The following GRM8 variants were observed in gnomAD, a reference collection of about 807,000 sequenced individuals.
The protein encoded by GRM8 is metabotropic glutamate receptor 8.
Under a neutral mutation model 87.2 loss-of-function variants are expected in GRM8, and 47 were observed. That is an observed-to-expected ratio of 0.54 (90% confidence interval 0.43 to 0.69). The LOEUF is 0.69. GRM8 is among the 30% of genes least tolerant of loss of function. The probability of loss-of-function intolerance (pLI) is 0.00; values close to 1 mark genes in which losing one functional copy is unlikely to be tolerated. For missense variants in GRM8, 1,019 were observed against 1,139.2 expected, an observed-to-expected ratio of 0.89 and a Z score of 1.52; for synonymous variants, 396 against 404.5, an observed-to-expected ratio of 0.98 and a Z score of 0.25.
At chr7:126,464,734 G>A (rs1159718761) in intron 9 of GRM8, among the ~76,000 whole-genome samples, 1 of 151,500 alleles carries the variant, frequency 6.6e-6, no homozygotes, top group Admixed American at 6.6e-5. Flanking sequence ...ACAATGTAAT[G>A]CTTATTACAT....
chr7:126,445,042 G>T (rs1186932080), intron 10 of GRM8, among the ~76,000 whole-genome samples: 1 of 151,934 alleles, frequency 6.6e-6, no homozygotes, highest in Non-Finnish European at 1.5e-5. Flanking sequence ...GCACATGCCT[G>T]CAGTCCTAGC....
rs181959066 is a variant in GRM8, at chr7:127,104,381, G to T, written c.727+2115C>A. Among the ~76,000 whole-genome samples, 325 of 152,242 alleles carry T rather than the reference G, an allele frequency of 2.1e-3. 1 individual carries two copies. Among genetic ancestry groups the T allele is most frequent in the African/African-American group, 7.5e-3 (311 of 41,538 alleles). Reference sequence around the variant, plus strand: ...TCATTAGAGACATCAGATAATTTCAGAATGGGTTAAGTTGCTACCATTTGC... The same window carrying T: ...TCATTAGAGACATCAGATAATTTCATAATGGGTTAAGTTGCTACCATTTGC... On this transcript the variant is annotated intron_variant, in intron 3 of 10. Coordinates refer to ENST00000339582, the MANE Select transcript of GRM8 (RefSeq NM_000845.3).
At position 127,242,796 on chromosome 7, in the gene GRM8, C is replaced by T. The variant is rs1458974157; in HGVS notation, c.409G>A (p.Asp137Asn). Residue 137 changes from aspartate to asparagine, a missense_variant, in exon 2 of 11, where the codon GAT becomes AAT. By Grantham distance (23) the Asp-to-Asn change is conservative (BLOSUM62 1). Transcript: ENST00000339582. ...DASDVKCANGDPPIFTKPDKI... is the reference protein window; with the variant it reads ...DASDVKCANGNPPIFTKPDKI... The stretch of plus-strand genomic sequence containing the variant: ...TCGGGCTTGGTGAAAATGGGTGGAT[C>T]TCCATTAGCACACTTCACATCCGAA... 1.9e-6 allele frequency: 3 copies of T among 1,613,928 alleles called. No homozygotes were observed. The highest frequency in any genetic ancestry group is 2.7e-5 in the African/African-American group (2 of 74,932).
chr7:126,898,509 G>C (rs1293946979), intron 6 of GRM8, among the ~76,000 whole-genome samples: 2 of 152,158 alleles, frequency 1.3e-5, no homozygotes, highest in Admixed American at 1.3e-4. Context: ...TACTGACCCA[G>C]TTCCCTAGGG....
chr7:126,539,431 T>C (rs142145700), intron 8 of GRM8, among the ~76,000 whole-genome samples: 102 of 152,142 alleles, frequency 6.7e-4, no homozygotes, highest in African/African-American at 2.3e-3. Context: ...TTCACTGAAA[T>C]TGATCATCTG....
At position 126,533,305 on chromosome 7, in the gene GRM8, C is replaced by G. The variant is rs1199609145; in HGVS notation, c.2077G>C (p.Ala693Pro). Reference protein sequence around the residue: ...SVTAPKFISPASQLVITFSLI... With the variant: ...SVTAPKFISPPSQLVITFSLI... ...CTGAAGGTGATCACCAGCTGAGATGCTGGACTAATGAACTTGGGCGCTGTG... is the reference window on the plus strand; with the variant it reads ...CTGAAGGTGATCACCAGCTGAGATGGTGGACTAATGAACTTGGGCGCTGTG... The change falls in exon 9 of 11, where the codon GCA becomes CCA. Residue 693 changes from alanine to proline, a missense_variant. By Grantham distance (27) the Ala-to-Pro change is conservative (BLOSUM62 -1). Transcript: ENST00000339582. The G allele has an allele frequency of 1.2e-6, 2 of 1,613,534 alleles. No individual in the cohort carries two copies. The highest frequency in any genetic ancestry group is 3.3e-5 in the Admixed American group (2 of 59,920).
chr7:127,117,660 C>A (rs1258189066), intron 2 of GRM8, among the ~76,000 whole-genome samples: 1 of 152,180 alleles, frequency 6.6e-6, no homozygotes, highest in African/African-American at 2.4e-5. Context: ...TGCCATGGCA[C>A]TTTATTAGCA....
At chr7:126,934,758 G>A (rs1159400894) in intron 3 of GRM8, among the ~76,000 whole-genome samples, 4 of 152,152 alleles carry the variant, frequency 2.6e-5, no homozygotes, top group Non-Finnish European at 5.9e-5. Flanking sequence ...AAATCTCACA[G>A]TTAGAGCTTA....
At position 126,754,977 on chromosome 7, in the gene GRM8, A is replaced by G. The variant is rs149324743; in HGVS notation, c.1357+14888T>C. On this transcript the variant is annotated intron_variant, in intron 7 of 10. Coordinates refer to ENST00000339582, the MANE Select transcript of GRM8 (RefSeq NM_000845.3). Reference sequence around the variant, plus strand: ...AAAGAAAAAAAAAATCCAACACAAAATGGTGTTTGTTTATTCATATATTAG... The same window carrying G: ...AAAGAAAAAAAAAATCCAACACAAAGTGGTGTTTGTTTATTCATATATTAG... Among the ~76,000 whole-genome samples the G allele has an allele frequency of 5.3e-5, 8 of 151,878 alleles. No individual in the cohort carries two copies. In the East Asian group the frequency reaches 1.5e-3, roughly 29 times the overall value.
intron 2 of GRM8, among the ~76,000 whole-genome samples, chr7:127,195,564 A>T (rs1339526272): frequency 6.6e-6 from 1 of 152,146 alleles, no homozygotes; most frequent in African/African-American, 2.4e-5. Flanking sequence ...AAAGTACTCA[A>T]TGTGGCCAGT....
intron 6 of GRM8, among the ~76,000 whole-genome samples, chr7:126,805,343 T>A (rs1792567275): frequency 6.6e-6 from 1 of 152,204 alleles, no homozygotes. Flanking sequence ...CAACTGGAAC[T>A]ATTTAACATG....
chr7:127,047,485 CCTTT>C (rs1819047350), intron 3 of GRM8, among the ~76,000 whole-genome samples: 1 of 151,982 alleles, frequency 6.6e-6, no homozygotes, highest in African/African-American at 2.4e-5. Flanking sequence ...TCTTCTTCCC[CCTTT>C]CTTTTTCCCC....
intron 3 of GRM8, among the ~76,000 whole-genome samples, chr7:126,998,179 T>C (rs375835419): frequency 6.6e-6 from 1 of 151,976 alleles, no homozygotes; most frequent in African/African-American, 2.4e-5. Flanking sequence ...ATCATTTCGA[T>C]TGATGCTGAA....
In GRM8 at chr7:126,442,064, C is replaced by T. The variant is rs368742158; in HGVS notation, c.2678-2896G>A. ...CTCAGTTTTATCACTGGTTCAAAACCTACAATACTGTGTTCCTGTAAGGTC... is the reference window on the plus strand; with the variant it reads ...CTCAGTTTTATCACTGGTTCAAAACTTACAATACTGTGTTCCTGTAAGGTC... On this transcript the variant is annotated intron_variant, in intron 10 of 10. Transcript: ENST00000339582. Among the ~76,000 whole-genome samples the T allele has an allele frequency of 1.4e-4, 22 of 152,036 alleles. No individual in the cohort carries two copies. In the East Asian group the frequency reaches 3.3e-3, roughly 23 times the overall value.
At chr7:127,181,002 G>A (rs577741560) in intron 2 of GRM8, among the ~76,000 whole-genome samples, 190 of 152,084 alleles carry the variant, frequency 1.2e-3, no homozygotes, top group Non-Finnish European at 2.0e-3. Flanking sequence ...AGAGCAATTA[G>A]ACAAGAAAAA....
chr7:126,691,899 G>C (rs1204753392), intron 7 of GRM8, among the ~76,000 whole-genome samples: 1 of 152,190 alleles, frequency 6.6e-6, no homozygotes, highest in Non-Finnish European at 1.5e-5. Flanking sequence ...AGACTACCTA[G>C]ATCTTCGGGC....
intron 9 of GRM8, 82 bp from the exon 10 acceptor site, chr7:126,446,454 T>TAGTA: frequency 3.3e-6 from 3 of 915,286 alleles, no homozygotes; most frequent in Non-Finnish European, 5.0e-6. Flanking sequence ...TTTTCTAAAA[T>TAGTA]TGTTCCAGCT....
In GRM8 at chr7:126,577,233, G is replaced by C. The variant is rs148171019; in HGVS notation, c.1494+32129C>G. Among the ~76,000 whole-genome samples, 632 of 152,246 alleles carry C rather than the reference G, an allele frequency of 4.2e-3. 3 individuals are homozygous for C. The highest frequency in any genetic ancestry group is 6.4e-3 in the Non-Finnish European group (436 of 68,018). The stretch of plus-strand genomic sequence containing the variant: ...ACATCTCCTTCCTCCATCCTGAATG[G>C]TATCTCGTTTCTTAACATAGCTGAC... On this transcript the variant is annotated intron_variant, in intron 8 of 10. Coordinates refer to ENST00000339582, the MANE Select transcript of GRM8 (RefSeq NM_000845.3).
At chr7:126,914,695 A>T (rs745860466) in intron 3 of GRM8, among the ~76,000 whole-genome samples, 9 of 152,240 alleles carry the variant, frequency 5.9e-5, no homozygotes, top group Non-Finnish European at 1.3e-4. Context: ...TCACGTTCTT[A>T]CTTATAAGTG....
Sources: allele counts gnomAD v4.1 joint callset (sites outside exome capture counted in the v4.1 genomes callset), GRCh38; gene constraint gnomAD v4.1.1; transcripts MANE v1.5; gene names NCBI Gene and HGNC (gene_info 2026-07-23, HGNC 2026-07-21).